The following SLC24A2 variants were observed in gnomAD, a reference collection of about 807,000 sequenced individuals.
SLC24A2 encodes the protein solute carrier family 24 member 2, also known as sodium/potassium/calcium exchanger 2.
Under a neutral mutation model 62.0 loss-of-function variants are expected in SLC24A2, and 36 were observed. That is an observed-to-expected ratio of 0.58 (90% confidence interval 0.44 to 0.77). The LOEUF is 0.77. Ranked by LOEUF, SLC24A2 falls within the 30% of genes least tolerant of loss-of-function variation. SLC24A2 has a pLI of 0.00. For synonymous variants in SLC24A2, 358 were observed against 294.0 expected (o/e 1.22, Z -2.23); for missense variants, 846 against 817.9 (o/e 1.03, Z -0.42).
chr9:19,898,657 G>A, the SLC24A2 span, among the ~76,000 whole-genome samples: 12 of 150,610 alleles, frequency 8.0e-5, no homozygotes, highest in South Asian at 1.1e-3. Flanking sequence ...CAGGAGAATG[G>A]CGTGAACCCA....
chr9:20,106,416 TATCCTTGATG>T, the SLC24A2 span, among the ~76,000 whole-genome samples: 24 of 152,270 alleles, frequency 1.6e-4, 1 homozygote, highest in South Asian at 3.5e-3. Flanking sequence ...TTTAGACCAA[TATCCTTGATG>T]AACGTTGATG....
At chr9:19,850,180 T>C in the SLC24A2 span, among the ~76,000 whole-genome samples, 1 of 152,114 alleles carries the variant, frequency 6.6e-6, no homozygotes, top group Non-Finnish European at 1.5e-5. Flanking sequence ...GCAGTCATCA[T>C]AATAGTTAAT....
At chr9:19,823,781 G>C in the SLC24A2 span, among the ~76,000 whole-genome samples, 23 of 152,162 alleles carry the variant, frequency 1.5e-4, no homozygotes, top group East Asian at 3.7e-3. Context: ...ATACTACAAG[G>C]CTACAGTAAC....
At chr9:19,988,367 C>G in the SLC24A2 span, among the ~76,000 whole-genome samples, 6 of 152,210 alleles carry the variant, frequency 3.9e-5, no homozygotes, top group African/African-American at 1.2e-4. Flanking sequence ...ACAATGACCT[C>G]TTTCTTCTAG....
At chr9:20,156,542 C>T in the SLC24A2 span, among the ~76,000 whole-genome samples, 1 of 151,786 alleles carries the variant, frequency 6.6e-6, no homozygotes, top group African/African-American at 2.4e-5. Context: ...TTGGAAGTCA[C>T]AAACTGTCTC....
At chr9:19,847,799 T>A in the SLC24A2 span, among the ~76,000 whole-genome samples, 1 of 152,182 alleles carries the variant, frequency 6.6e-6, no homozygotes, top group Admixed American at 6.6e-5. Context: ...TCCTTGTGAT[T>A]TTGACTATTT....
At chr9:20,210,982 C>T in the SLC24A2 span, among the ~76,000 whole-genome samples, 1 of 152,042 alleles carries the variant, frequency 6.6e-6, no homozygotes, top group East Asian at 1.9e-4. Flanking sequence ...AGACTGTGTT[C>T]CGGAATAGGC....
the SLC24A2 span, among the ~76,000 whole-genome samples, chr9:20,262,642 G>A: frequency 6.6e-6 from 1 of 152,168 alleles, no homozygotes; most frequent in Non-Finnish European, 1.5e-5. Context: ...ACCTTATCAT[G>A]AGCATTATCT....
chr9:19,691,002 C>G (rs1256870563), intron 2 of SLC24A2, among the ~76,000 whole-genome samples: 1 of 152,098 alleles, frequency 6.6e-6, no homozygotes. Flanking sequence ...ATTCAAACAA[C>G]AGGTTCATAT....
At chr9:20,057,424 A>G in the SLC24A2 span, among the ~76,000 whole-genome samples, 1 of 152,198 alleles carries the variant, frequency 6.6e-6, no homozygotes, top group Admixed American at 6.6e-5. Context: ...TAGATTTATC[A>G]TATTTACCTA....
chr9:19,633,111 G>A (rs1818219825), intron 2 of SLC24A2, among the ~76,000 whole-genome samples: 1 of 152,102 alleles, frequency 6.6e-6, no homozygotes, highest in South Asian at 2.1e-4. Flanking sequence ...TTTCCTTAGG[G>A]TCTAAGTTAT....
At chr9:20,302,824 G>A in the SLC24A2 span, among the ~76,000 whole-genome samples, 1 of 152,064 alleles carries the variant, frequency 6.6e-6, no homozygotes, top group African/African-American at 2.4e-5. Flanking sequence ...ACCACTGTGG[G>A]GCTGAACCAA....
At chr9:19,583,552 G>C (rs1337113458) in intron 5 of SLC24A2, among the ~76,000 whole-genome samples, 1 of 152,134 alleles carries the variant, frequency 6.6e-6, no homozygotes, top group Non-Finnish European at 1.5e-5. Context: ...ACAAATCCTT[G>C]TGTTCATGGT....
chr9:20,081,148 A>T, the SLC24A2 span, among the ~76,000 whole-genome samples: 534 of 152,320 alleles, frequency 3.5e-3, 3 homozygotes, highest in African/African-American at 0.012. Flanking sequence ...AAAGGATTAT[A>T]AATCATGCTG....
the SLC24A2 span, among the ~76,000 whole-genome samples, chr9:20,116,715 A>C: frequency 6.6e-6 from 1 of 152,202 alleles, no homozygotes; most frequent in Non-Finnish European, 1.5e-5. Flanking sequence ...TGTATAAATG[A>C]GAGAATGGAT....
the SLC24A2 span, among the ~76,000 whole-genome samples, chr9:20,281,486 C>T: frequency 3.3e-5 from 5 of 152,282 alleles, no homozygotes; most frequent in Middle Eastern, 6.8e-3. Flanking sequence ...TCGGTCACTA[C>T]TCTCCCACAA....
intron 4 of SLC24A2, among the ~76,000 whole-genome samples, chr9:19,600,404 G>C (rs1461331367): frequency 1.3e-5 from 2 of 152,166 alleles, no homozygotes; most frequent in Admixed American, 6.5e-5. Context: ...ACTTTGGGGA[G>C]GAATGAAAGT....
intron 2 of SLC24A2, among the ~76,000 whole-genome samples, chr9:19,639,781 A>G (rs753483151): frequency 8.5e-5 from 13 of 152,256 alleles, no homozygotes; most frequent in Non-Finnish European, 1.6e-4. Context: ...ATGAGAGCCA[A>G]TAGTTTATAA....
At chr9:20,147,002 C>A in the SLC24A2 span, among the ~76,000 whole-genome samples, 1 of 152,050 alleles carries the variant, frequency 6.6e-6, no homozygotes, top group Admixed American at 6.6e-5. Flanking sequence ...TGATAGTGTC[C>A]TATTATTTAA....
Sources: allele counts gnomAD v4.1 joint callset (sites outside exome capture counted in the v4.1 genomes callset), GRCh38; gene constraint gnomAD v4.1.1; transcripts MANE v1.5; gene names NCBI Gene and HGNC (gene_info 2026-07-23, HGNC 2026-07-21).